Variants in HPS4 observed in about 807,000 individuals in gnomAD.
HPS4 encodes HPS4 biogenesis of lysosomal organelles complex 3 subunit 2.
HPS4 carries 44 observed loss-of-function variants against 70.3 expected under a neutral mutation model. The observed-to-expected ratio is 0.63, with a 90% CI of 0.49 to 0.80. The LOEUF (loss-of-function observed/expected upper bound fraction) is 0.80, where lower values mean the gene tolerates loss of function less well. Ranked by LOEUF, HPS4 falls within the 30% of genes least tolerant of loss-of-function variation. The pLI, the probability that HPS4 is intolerant of heterozygous loss-of-function variation, is 0.00. For synonymous variants in HPS4, 377 were observed against 355.9 expected, an observed-to-expected ratio of 1.06 and a Z score of -0.67; for missense variants, 873 against 884.4, an observed-to-expected ratio of 0.99 and a Z score of 0.16.
Position 26,463,560 on chromosome 22 carries a change from A to G in HPS4, c.1713+357T>C, listed in dbSNP as rs549120075. Among the ~76,000 whole-genome samples, 4 of 152,354 alleles carry G rather than the reference A, an allele frequency of 2.6e-5. No individual in the cohort carries two copies. In the East Asian group the frequency reaches 7.7e-4, roughly 29 times the overall value. ...GGAGTTAGCCAAGGCTCAAGGGGAC[A>G]AAGGTCTGTGGGCAAGTTCACACAG... On this transcript the variant is annotated intron_variant, in intron 11 of 13. Coordinates refer to ENST00000398145, the MANE Select transcript of HPS4 (RefSeq NM_022081.6).
chr22:26,443,783 C>G (rs947879535), downstream of HPS4: 3 of 152,400 alleles, frequency 2.0e-5, no homozygotes, highest in Admixed American at 6.5e-5. Flanking sequence ...CTGCCAGACA[C>G]AGTCAGGGTG....
rs559722196 is a variant in HPS4 at position 26,463,831 on chromosome 22, C to G, written c.1713+86G>C. The G allele has an allele frequency of 6.4e-5, 90 of 1,409,948 alleles. 1 individual carries two copies. In the South Asian group the frequency reaches 1.1e-3, roughly 17 times the overall value. The allele number at this position is 1,409,948 out of a possible 1,614,324, so 87.3% of individuals were successfully genotyped here. A position where few individuals can be genotyped will look rare whatever the true frequency, so the allele number is the denominator to read the frequency against. ...CTGAGGGCTGAGCCTTTATCTCTTC[C>G]CTGGGTGTTGGCACAGTGCTGTGAG... On this transcript the variant is annotated intron_variant, in intron 11 of 13. Coordinates refer to ENST00000398145, the MANE Select transcript of HPS4 (RefSeq NM_022081.6).
chr22:26,459,826 G>A (rs1191469945), intron 11 of HPS4, among the ~76,000 whole-genome samples: 1 of 152,190 alleles, frequency 6.6e-6, no homozygotes, highest in Non-Finnish European at 1.5e-5. Flanking sequence ...CTATCCTGAG[G>A]CAGAGTCTTT....
chr22:26,479,256 G>A lies in HPS4; in HGVS notation c.132+9C>T, dbSNP rs1488928163. On this transcript the variant is annotated intron_variant, in intron 3 of 13. Transcript: ENST00000398145. ...TCCTCACTGAACAATAAAATGCTGT[G>A]TGGCTTACCTGGGAAGGATAAAAGT... 2 of 1,614,142 alleles carry A rather than the reference G, an allele frequency of 1.2e-6. No homozygotes were observed. Among genetic ancestry groups the A allele is most frequent in the Non-Finnish European group, 1.7e-6 (2 of 1,179,994 alleles).
At position 26,481,136 on chromosome 22, in the gene HPS4, A is replaced by G. The variant is rs116796711; in HGVS notation, c.41+586T>C. On this transcript the variant is annotated intron_variant, in intron 2 of 13. Transcript: ENST00000398145. Reference sequence around the variant, plus strand: ...GCATCCCTGCTTGTGCGGGCACACGAAAGAAAACTTGGGTGTCATTTTGAA... The same window carrying G: ...GCATCCCTGCTTGTGCGGGCACACGGAAGAAAACTTGGGTGTCATTTTGAA... Among the ~76,000 whole-genome samples the G allele has an allele frequency of 4.1e-3, 631 of 152,226 alleles. 5 individuals are homozygous for G. The highest frequency in any genetic ancestry group is 0.012 in the African/African-American group (496 of 41,530).
At chr22:26,480,190 A>G (rs2091125609) in intron 2 of HPS4, among the ~76,000 whole-genome samples, 1 of 152,204 alleles carries the variant, frequency 6.6e-6, no homozygotes, top group Non-Finnish European at 1.5e-5. Flanking sequence ...TTTTGTTTTT[A>G]CAGGGTCTCA....
chr22:26,455,192 G>A (rs1449510869), intron 13 of HPS4, among the ~76,000 whole-genome samples: 3 of 152,046 alleles, frequency 2.0e-5, no homozygotes, highest in African/African-American at 7.2e-5. Context: ...CAGGGATCTA[G>A]AACTAGAAAT....
At chr22:26,450,532 C>A (rs2085113439), downstream of HPS4, among the ~76,000 whole-genome samples, 2 of 152,246 alleles carry the variant, frequency 1.3e-5, no homozygotes, top group Non-Finnish European at 2.9e-5. Flanking sequence ...TTTGATCAGG[C>A]TCAAACATCC....
chr22:26,457,892 G>A lies in HPS4; in HGVS notation c.1922C>T (p.Ala641Val), dbSNP rs776976418. ...QAVSLMHSEF[A>V]QLPALYEMTV... The stretch of plus-strand genomic sequence containing the variant: ...CATTTCATAAAGCGCGGGCAGCTGG[G>A]CAAATTCGCTATGCATCAGGCTGAC... The change falls in exon 13 of 14, where the codon GCC (alanine) becomes GTC (valine). Residue 641 changes from alanine to valine, a missense_variant. Ala to Val is a moderately conservative substitution (Grantham distance 64). Coordinates refer to ENST00000398145, the MANE Select transcript of HPS4 (RefSeq NM_022081.6). 1.9e-6 allele frequency: 3 copies of A among 1,614,078 alleles called. No individual in the cohort carries two copies. The highest frequency in any genetic ancestry group is 1.7e-5 in the Admixed American group (1 of 60,010).
At chr22:26,474,706 T>C (rs2090287666) in intron 4 of HPS4, among the ~76,000 whole-genome samples, 1 of 152,072 alleles carries the variant, frequency 6.6e-6, no homozygotes, top group Admixed American at 6.6e-5. Context: ...AACTGGTATC[T>C]AGGATATAAA....
In HPS4 at chr22:26,466,004, G is replaced by A. The variant is rs6005054; in HGVS notation, c.706+222C>T. ...AGTCTCACAATATGAAGTTAAGGAG[G>A]GTCTGAAAGCAGGGATTTGACAGCA... On this transcript the variant is annotated intron_variant, in intron 9 of 13. Transcript: ENST00000398145. The A allele has an allele frequency of 0.018, 25,762 of 1,427,142 alleles. 312 individuals carry two copies. Among genetic ancestry groups the A allele is most frequent in the Middle Eastern group, 0.053 (301 of 5,714 alleles). 88.4% of individuals were successfully genotyped at this position (1,427,142 alleles called of 1,614,324 possible). A position where few individuals can be genotyped will look rare whatever the true frequency, so the allele number is the denominator to read the frequency against.
intron 13 of HPS4, among the ~76,000 whole-genome samples, chr22:26,457,545 C>T (rs2086371712): frequency 1.3e-5 from 2 of 152,148 alleles, no homozygotes; most frequent in Non-Finnish European, 2.9e-5. Context: ...AACAATATTT[C>T]AACACTGTTT....
At chr22:26,450,567 G>A (rs925785150), downstream of HPS4, among the ~76,000 whole-genome samples, 1 of 152,170 alleles carries the variant, frequency 6.6e-6, no homozygotes, top group African/African-American at 2.4e-5. Context: ...TTCCCAGTAG[G>A]AATCTGATTG....
intron 11 of HPS4, among the ~76,000 whole-genome samples, chr22:26,460,902 C>T (rs769782279): frequency 7.2e-5 from 11 of 152,220 alleles, no homozygotes; most frequent in Non-Finnish European, 1.6e-4. Flanking sequence ...TACTGGAATA[C>T]AGTCATACCA....
downstream of HPS4, among the ~76,000 whole-genome samples, chr22:26,447,063 T>C (rs767706792): frequency 6.6e-6 from 1 of 152,240 alleles, no homozygotes; most frequent in Non-Finnish European, 1.5e-5. Context: ...GCCAACAGTA[T>C]GAGCCTCTTG....
intron 13 of HPS4, among the ~76,000 whole-genome samples, chr22:26,455,947 C>G (rs930469698): frequency 2.6e-5 from 4 of 152,180 alleles, no homozygotes; most frequent in African/African-American, 9.7e-5. Flanking sequence ...ACACACACCC[C>G]CAACACAGCC....
chr22:26,478,439 C>T (rs1036677257), intron 3 of HPS4, among the ~76,000 whole-genome samples: 1 of 151,812 alleles, frequency 6.6e-6, no homozygotes, highest in African/African-American at 2.4e-5. Flanking sequence ...GGCGTGGTAG[C>T]GGGCGACTGT....
chr22:26,457,803 G>A lies in HPS4; in HGVS notation c.1955+56C>T, dbSNP rs1404488120. On this transcript the variant is annotated intron_variant, in intron 13 of 13. Transcript: ENST00000398145. The stretch of plus-strand genomic sequence containing the variant: ...AGGCGCTGCCTGGGCCCCACAGGTG[G>A]TTCCCATGAGCAGGACCGTGGAGAG... The A allele has an allele frequency of 3.0e-6, 4 of 1,343,058 alleles. No homozygotes were observed. The African/African-American group carries it at 5.7e-5, about 19-fold the overall frequency. 83.2% of individuals were successfully genotyped at this position (1,343,058 alleles called of 1,614,324 possible). A position where few individuals can be genotyped will look rare whatever the true frequency, so the allele number is the denominator to read the frequency against.
chr22:26,481,816 CTTCT>C lies in HPS4; in HGVS notation c.-58_-55del. On this transcript the variant is annotated 5_prime_UTR_variant, in exon 2 of 14. Transcript: ENST00000398145. Reference sequence around the variant, plus strand: ...ATTTAGGTTTTCTTTTCCGGTATCACTTCTTTCTCCCTAGCTGTGACCGTTCCTC... The same window carrying C: ...ATTTAGGTTTTCTTTTCCGGTATCACTTCTCCCTAGCTGTGACCGTTCCTC... 1 of 1,537,094 alleles carries C rather than the reference CTTCT, an allele frequency of 6.5e-7. No individual in the cohort carries two copies. Among genetic ancestry groups the C allele is most frequent in the Non-Finnish European group, 9.0e-7 (1 of 1,109,854 alleles).
Sources: gnomAD v4.1 joint callset for allele counts (sites outside exome capture counted in the v4.1 genomes callset) on GRCh38, gnomAD v4.1.1 for gene constraint, MANE v1.5 for transcripts, NCBI Gene and HGNC (gene_info 2026-07-23, HGNC 2026-07-21) for gene names.